Variants in FAM168A observed in about 807,000 individuals in gnomAD.
FAM168A encodes protein FAM168A.
FAM168A carries 3 observed loss-of-function variants against 28.5 expected under a neutral mutation model. That is an observed-to-expected ratio of 0.11 (90% CI 0.05 to 0.27). The LOEUF is 0.27. Among genes scored for constraint, FAM168A ranks in the 10% least tolerant of loss-of-function variants. The pLI is 1.00. For synonymous variants in FAM168A, 122 were observed against 124.2 expected, an observed-to-expected ratio of 0.98 and a Z score of 0.12; for missense variants, 222 against 311.5, an observed-to-expected ratio of 0.71 and a Z score of 2.16.
intron 2 of FAM168A, among the ~76,000 whole-genome samples, chr11:73,457,749 A>G (rs1379025405): frequency 7.4e-6 from 1 of 134,362 alleles, no homozygotes; most frequent in Non-Finnish European, 1.5e-5. Context: ...AAAAAAAAAA[A>G]AGAAAAGAAA....
At chr11:73,517,157 C>T (rs1943314637) in intron 1 of FAM168A, among the ~76,000 whole-genome samples, 1 of 152,090 alleles carries the variant, frequency 6.6e-6, no homozygotes, top group African/African-American at 2.4e-5. Flanking sequence ...CCAAGCAATC[C>T]TCCCACCTCA....
intron 2 of FAM168A, among the ~76,000 whole-genome samples, chr11:73,457,723 CAAAAAAAAAAAAAA>C (rs58142151): frequency 0.016 from 607 of 37,566 alleles, 3 homozygotes; most frequent in African/African-American, 0.029. Context: ...GCCTGGGTGA[CAAAAAAAAAAAAAA>C]AAAAAAAAAA....
intron 1 of FAM168A, among the ~76,000 whole-genome samples, chr11:73,486,967 A>T (rs1233683452): frequency 2.0e-5 from 3 of 152,198 alleles, no homozygotes; most frequent in African/African-American, 7.2e-5. Flanking sequence ...AGTATTAATA[A>T]ATTTATATCA....
chr11:73,545,017 TAG>T (rs1491257967), intron 1 of FAM168A, among the ~76,000 whole-genome samples: 141 of 72,986 alleles, frequency 1.9e-3, no homozygotes, highest in Admixed American at 2.7e-3. Flanking sequence ...ACTATATATA[TAG>T]TATATATAAT....
At chr11:73,409,409 A>G in intron 6 of FAM168A, 78 bp downstream of exon 6, 1 of 1,577,842 alleles carries the variant, frequency 6.3e-7, no homozygotes, top group Non-Finnish European at 8.6e-7. Context: ...GCTGCAGCCA[A>G]TTCTATGACT....
chr11:73,442,047 T>A (rs1867204886), intron 2 of FAM168A, among the ~76,000 whole-genome samples: 1 of 152,134 alleles, frequency 6.6e-6, no homozygotes, highest in Non-Finnish European at 1.5e-5. Flanking sequence ...CTGTACTTGA[T>A]TTAGGCTTCA....
chr11:73,564,218 G>A (rs1362233685), intron 1 of FAM168A, among the ~76,000 whole-genome samples: 8 of 152,176 alleles, frequency 5.3e-5, no homozygotes, highest in Non-Finnish European at 1.2e-4. Context: ...CCTTGAGCCT[G>A]GTTCACATAA....
At chr11:73,478,255 T>C (rs1867919331) in intron 1 of FAM168A, among the ~76,000 whole-genome samples, 2 of 152,150 alleles carry the variant, frequency 1.3e-5, no homozygotes, top group South Asian at 4.1e-4. Flanking sequence ...AAAATAAATT[T>C]TAAAATGTTA....
intron 1 of FAM168A, among the ~76,000 whole-genome samples, chr11:73,545,975 G>T (rs1468846798): frequency 6.6e-6 from 1 of 152,136 alleles, no homozygotes; most frequent in East Asian, 1.9e-4. Context: ...AGGTTTTTTA[G>T]AAAGTTATCA....
intron 3 of FAM168A, among the ~76,000 whole-genome samples, chr11:73,426,867 T>C (rs745364675): frequency 2.0e-5 from 3 of 152,230 alleles, no homozygotes; most frequent in Non-Finnish European, 4.4e-5. Flanking sequence ...CCCTCTCTTA[T>C]GGATTTTGTG....
Position 73,468,202 on chromosome 11 carries a change from C to T in FAM168A, c.70+203G>A, listed in dbSNP as rs112713540. On this transcript the variant is annotated intron_variant, in intron 2 of 7. Transcript: ENST00000356467. ...TTTGCAGACTCTCTAAAACACTCTCCTGGTATTATTGTAGAACAAAGTTGG... is the reference window on the plus strand; with the variant it reads ...TTTGCAGACTCTCTAAAACACTCTCTTGGTATTATTGTAGAACAAAGTTGG... Among the ~76,000 whole-genome samples the T allele has an allele frequency of 7.1e-3, 1,086 of 152,310 alleles. 14 individuals are homozygous for T. Among genetic ancestry groups the T allele is most frequent in the African/African-American group, 0.023 (950 of 41,558 alleles).
At chr11:73,414,555 G>T (rs955457483) in intron 4 of FAM168A, among the ~76,000 whole-genome samples, 2 of 152,180 alleles carry the variant, frequency 1.3e-5, no homozygotes, top group Non-Finnish European at 2.9e-5. Flanking sequence ...CAAACCCCCA[G>T]CTCTGAGACT....
At chr11:73,457,236 T>A (rs1040265906) in intron 2 of FAM168A, among the ~76,000 whole-genome samples, 7 of 151,150 alleles carry the variant, frequency 4.6e-5, no homozygotes, top group South Asian at 2.1e-4. Flanking sequence ...TTTTTTTTTT[T>A]AAATTAGCCA....
chr11:73,509,038 C>T (rs191526583), intron 1 of FAM168A, among the ~76,000 whole-genome samples: 14 of 152,328 alleles, frequency 9.2e-5, no homozygotes, highest in Admixed American at 3.3e-4. Flanking sequence ...GAGGCCTTCT[C>T]AATCATGTGG....
chr11:73,458,085 T>C (rs910222834), intron 2 of FAM168A, among the ~76,000 whole-genome samples: 1 of 152,220 alleles, frequency 6.6e-6, no homozygotes, highest in Non-Finnish European at 1.5e-5. Context: ...TAATTCAACA[T>C]ATATTTAATG....
At position 73,592,128 on chromosome 11, in the gene FAM168A, T is replaced by C. The variant is rs188230262; in HGVS notation, c.-19+5795A>G. Among the ~76,000 whole-genome samples, 59 of 152,348 alleles carry C rather than the reference T, an allele frequency of 3.9e-4. 1 individual carries two copies. Among genetic ancestry groups the C allele is most frequent in the Admixed American group, 3.6e-3 (55 of 15,300 alleles). ...CAAGTAGCCAAGGATTGAAGTTTAC[T>C]GTGAAAAATATATCATCTCAGGGTT... On this transcript the variant is annotated intron_variant, in intron 1 of 7. Transcript: ENST00000356467.
At chr11:73,470,470 A>G (rs1289455218) in intron 1 of FAM168A, among the ~76,000 whole-genome samples, 1 of 152,194 alleles carries the variant, frequency 6.6e-6, no homozygotes, top group Non-Finnish European at 1.5e-5. Context: ...ACAGTAATTA[A>G]GATGTGGGAC....
At chr11:73,582,006 C>T (rs1208289535) in intron 1 of FAM168A, among the ~76,000 whole-genome samples, 2 of 151,924 alleles carry the variant, frequency 1.3e-5, no homozygotes, top group African/African-American at 4.8e-5. Flanking sequence ...CATGAGCCAC[C>T]GCACCCAGCC....
intron 1 of FAM168A, among the ~76,000 whole-genome samples, chr11:73,501,224 G>C (rs867327796): frequency 7.2e-5 from 11 of 152,174 alleles, no homozygotes; most frequent in Non-Finnish European, 1.6e-4. Context: ...AAGATACTTA[G>C]ACTACCACAC....
Sources: gnomAD v4.1 joint callset for allele counts (sites outside exome capture counted in the v4.1 genomes callset) on GRCh38, gnomAD v4.1.1 for gene constraint, MANE v1.5 for transcripts, NCBI Gene and HGNC (gene_info 2026-07-23, HGNC 2026-07-21) for gene names.